Variants in PUS10 observed in about 807,000 individuals in gnomAD.
The protein encoded by PUS10 is pseudouridine synthase 10, also known as tRNA pseudouridine synthase Pus10.
PUS10 carries 59 observed loss-of-function variants against 75.0 expected under a neutral mutation model. That is an observed-to-expected ratio of 0.79 (90% CI 0.64 to 0.98). The LOEUF is 0.98. Among genes scored for constraint, PUS10 ranks in the 50% least tolerant of loss-of-function variants. PUS10 has a pLI of 0.00. For synonymous variants in PUS10, 219 were observed against 211.6 expected, an observed-to-expected ratio of 1.03 and a Z score of -0.30; for missense variants, 650 against 614.4, an observed-to-expected ratio of 1.06 and a Z score of -0.61.
chr2:61,009,599 T>C (rs999328033), intron 2 of PUS10, among the ~76,000 whole-genome samples: 5 of 152,178 alleles, frequency 3.3e-5, no homozygotes, highest in African/African-American at 1.2e-4. Context: ...CATATATTAA[T>C]TGAAAGCCAT....
chr2:60,989,459 A>G (rs1677939659), intron 4 of PUS10, among the ~76,000 whole-genome samples: 1 of 152,162 alleles, frequency 6.6e-6, no homozygotes, highest in Non-Finnish European at 1.5e-5. Context: ...ACATACACAC[A>G]TAACCCCAGG....
chr2:60,942,468 T>G lies in PUS10; in HGVS notation c.1552-35A>C, dbSNP rs200792091. On this transcript the variant is annotated intron_variant, in intron 17 of 17. Coordinates refer to ENST00000316752, the MANE Select transcript of PUS10 (RefSeq NM_144709.4). Reference sequence around the variant, plus strand: ...AGAAAAGAAGTCATTAAAACAGATATTACTGTTGTGGTAAGCATTTGCTGG... The same window carrying G: ...AGAAAAGAAGTCATTAAAACAGATAGTACTGTTGTGGTAAGCATTTGCTGG... The G allele has an allele frequency of 3.9e-6, 6 of 1,550,102 alleles. No individual in the cohort carries two copies. In the African/African-American group the frequency reaches 8.2e-5, roughly 21 times the overall value.
At chr2:61,017,345 G>A (rs1282438169) in intron 1 of PUS10, 3 of 164,282 alleles carry the variant, frequency 1.8e-5, no homozygotes, top group Non-Finnish European at 4.0e-5. Context: ...GTTTGTAGAG[G>A]AAATCCGAAA....
At chr2:61,016,399 G>T (rs530479490) in intron 1 of PUS10, among the ~76,000 whole-genome samples, 6 of 152,276 alleles carry the variant, frequency 3.9e-5, no homozygotes, top group South Asian at 2.1e-4. Context: ...CTTAAATTTG[G>T]TTTTTTCATC....
At chr2:60,946,628 T>C (rs1449154446) in intron 16 of PUS10, among the ~76,000 whole-genome samples, 1 of 152,148 alleles carries the variant, frequency 6.6e-6, no homozygotes, top group Non-Finnish European at 1.5e-5. Flanking sequence ...TGATCATCCT[T>C]TGATCCAAAT....
intron 17 of PUS10, chr2:60,944,206 G>A (rs1420263212): frequency 1.6e-5 from 16 of 984,580 alleles, no homozygotes; most frequent in Non-Finnish European, 1.9e-5. Context: ...TCACTGAAGA[G>A]GCTCCCTGCA....
intron 5 of PUS10, among the ~76,000 whole-genome samples, chr2:60,969,136 A>G (rs1676512932): frequency 6.6e-6 from 1 of 152,246 alleles, no homozygotes; most frequent in Admixed American, 6.5e-5. Flanking sequence ...AATGAGTTAA[A>G]ACATTATTTA....
chr2:60,961,505 C>T lies in PUS10; in HGVS notation c.832G>A (p.Val278Ile), dbSNP rs761852702. The change falls in exon 10 of 18, where the codon GTT (valine) becomes ATT (isoleucine). Residue 278 changes from valine (V) to isoleucine (I), a missense_variant. By Grantham distance (29) the Val-to-Ile change is conservative. Transcript: ENST00000316752. Reference sequence around the variant, plus strand: ...CCATGAGCACATTCAATTTCAAGAACAGCGCATACAGCCTTTGGTGAGTTT... The same window carrying T: ...CCATGAGCACATTCAATTTCAAGAATAGCGCATACAGCCTTTGGTGAGTTT... Reference protein sequence around the residue: ...PPNSPKAVCAVLEIECAHGAV... With the variant: ...PPNSPKAVCAILEIECAHGAV... 1 of 1,614,132 alleles carries T rather than the reference C, an allele frequency of 6.2e-7. No individual in the cohort carries two copies.
intron 8 of PUS10, among the ~76,000 whole-genome samples, chr2:60,963,701 G>A (rs1015953223): frequency 6.6e-6 from 1 of 151,954 alleles, no homozygotes. Context: ...ATACCATAGG[G>A]TTACAACTGA....
chr2:60,983,609 G>A (rs369467946), intron 4 of PUS10, among the ~76,000 whole-genome samples: 1 of 151,766 alleles, frequency 6.6e-6, no homozygotes, highest in African/African-American at 2.4e-5. Flanking sequence ...CCAGGGAGGC[G>A]GAGGTTGCAG....
chr2:60,943,007 G>A (rs1049395662), intron 17 of PUS10, among the ~76,000 whole-genome samples: 6 of 147,376 alleles, frequency 4.1e-5, no homozygotes, highest in Non-Finnish European at 6.0e-5. Flanking sequence ...CTCCAGCCTG[G>A]GTGACAGAAT....
intron 4 of PUS10, among the ~76,000 whole-genome samples, chr2:60,973,114 G>A (rs534506870): frequency 3.2e-4 from 49 of 152,318 alleles, no homozygotes; most frequent in African/African-American, 1.2e-3. Context: ...CTGTTCTCAG[G>A]CCCAAAGCCT....
At chr2:60,976,459 G>T (rs1230748958) in intron 4 of PUS10, among the ~76,000 whole-genome samples, 2 of 152,184 alleles carry the variant, frequency 1.3e-5, no homozygotes, top group South Asian at 2.1e-4. Context: ...AGCAAACTCT[G>T]TTCTCTACAA....
In PUS10 at chr2:60,942,205, A is replaced by ATT. The variant is rs1674660234; in HGVS notation, c.*188_*189dup. 1.9e-6 allele frequency: 1 copy of ATT among 533,852 alleles called. No homozygotes were observed. The highest frequency in any genetic ancestry group is 3.4e-6 in the Non-Finnish European group (1 of 292,372). 33.1% of individuals were successfully genotyped at this position (533,852 alleles called of 1,614,324 possible). The stretch of plus-strand genomic sequence containing the variant: ...AAAATCCTAAGACATCCTTGGAACA[A>ATT]TTTAACACAAAATATACACATATAT... On this transcript the variant is annotated 3_prime_UTR_variant, in exon 18 of 18. Coordinates refer to ENST00000316752, the MANE Select transcript of PUS10 (RefSeq NM_144709.4).
chr2:60,969,797 A>G (rs1295405817), intron 5 of PUS10, among the ~76,000 whole-genome samples: 1 of 152,196 alleles, frequency 6.6e-6, no homozygotes, highest in Admixed American at 6.5e-5. Context: ...CTTTGATAAG[A>G]AATAAAAAGC....
intron 2 of PUS10, among the ~76,000 whole-genome samples, chr2:61,009,309 T>C (rs538331526): frequency 6.6e-6 from 1 of 152,352 alleles, no homozygotes; most frequent in South Asian, 2.1e-4. Flanking sequence ...AATTTATTAA[T>C]TTGTAGTTCT....
intron 4 of PUS10, among the ~76,000 whole-genome samples, chr2:60,978,253 C>G (rs1281941017): frequency 6.6e-6 from 1 of 151,746 alleles, no homozygotes; most frequent in Non-Finnish European, 1.5e-5. Context: ...GAAACCCCAT[C>G]TCTACTAAAA....
chr2:60,967,522 C>G lies in PUS10; in HGVS notation c.595G>C (p.Gly199Arg), dbSNP rs778126851. 1.7e-5 allele frequency: 27 copies of G among 1,602,086 alleles called. No homozygotes were observed. Among genetic ancestry groups the G allele is most frequent in the Non-Finnish European group, 2.2e-5 (26 of 1,171,992 alleles). ...ITHPLFSEEL[G>R]VPIDGKSLFE... ...AATACCTTTCCATCAATGGGAACACCCAGTTCCTCTGAAAACAGGGGGTGA... is the reference window on the plus strand; with the variant it reads ...AATACCTTTCCATCAATGGGAACACGCAGTTCCTCTGAAAACAGGGGGTGA... Residue 199 changes from glycine (G) to arginine (R), a missense_variant, in exon 6 of 18, where the codon GGT becomes CGT. Transcript: ENST00000316752.
chr2:60,967,604 A>G lies in PUS10; in HGVS notation c.513T>C (p.Ser171=), dbSNP rs1205865209. Residue 171 remains serine (S), a synonymous_variant, in exon 6 of 18, where the codon AGT becomes AGC. Transcript: ENST00000316752. ...LLVKQEMGKQ[S]LSLGRDDIVQ... The stretch of plus-strand genomic sequence containing the variant: ...CTATATCATCTCTTCCCAGCGACAG[A>G]CTCTGCTTTCTGAATAACATAAAAA... 5 of 1,596,684 alleles carry G rather than the reference A, an allele frequency of 3.1e-6. No homozygotes were observed. The highest frequency in any genetic ancestry group is 4.3e-6 in the Non-Finnish European group (5 of 1,172,856).
Sources: gnomAD v4.1 joint callset for allele counts (sites outside exome capture counted in the v4.1 genomes callset) on GRCh38, gnomAD v4.1.1 for gene constraint, MANE v1.5 for transcripts, NCBI Gene and HGNC (gene_info 2026-07-23, HGNC 2026-07-21) for gene names.